Variants in CNTNAP2 observed in about 807,000 individuals in gnomAD.
CNTNAP2 encodes the protein contactin associated protein 2, also known as contactin-associated protein-like 2.
CNTNAP2 carries 98 observed loss-of-function variants against 155.2 expected under a neutral mutation model. That is an observed-to-expected ratio of 0.63 (90% CI 0.54 to 0.75). The LOEUF is 0.75. CNTNAP2 is among the 30% of genes least tolerant of loss of function. The pLI is 0.00. For synonymous variants in CNTNAP2, 651 were observed against 631.2 expected (o/e 1.03, Z -0.47); for missense variants, 1,727 against 1,688.1 (o/e 1.02, Z -0.40).
intron 13 of CNTNAP2, among the ~76,000 whole-genome samples, chr7:147,842,122 T>C (rs1432846659): frequency 6.6e-6 from 1 of 152,226 alleles, no homozygotes; most frequent in East Asian, 1.9e-4. Context: ...GCATAATTCA[T>C]TTGCTCTTCA....
intron 1 of CNTNAP2, among the ~76,000 whole-genome samples, chr7:146,290,315 C>CGTCTT (rs1800409074): frequency 6.6e-6 from 1 of 152,134 alleles, no homozygotes; most frequent in Non-Finnish European, 1.5e-5. Flanking sequence ...GCATGAATCC[C>CGTCTT]GTCTTAACCC....
At position 147,792,929 on chromosome 7, in the gene CNTNAP2, G is replaced by A. The variant is rs77922992; in HGVS notation, c.2099-110636G>A. ...TGAAGTAATAATTCAGGGTTTTGAT[G>A]TTAATTTCCCTGATGACTAATGATG... On this transcript the variant is annotated intron_variant, in intron 13 of 23. Coordinates refer to ENST00000361727, the MANE Select transcript of CNTNAP2 (RefSeq NM_014141.6). Among the ~76,000 whole-genome samples the A allele has an allele frequency of 5.6e-3, 859 of 152,234 alleles. 6 individuals carry two copies. The highest frequency in any genetic ancestry group is 0.019 in the African/African-American group (807 of 41,574).
intron 13 of CNTNAP2, among the ~76,000 whole-genome samples, chr7:147,803,786 A>T (rs1388741888): frequency 6.6e-6 from 1 of 152,304 alleles, no homozygotes; most frequent in African/African-American, 2.4e-5. Flanking sequence ...TGTCTGCAGG[A>T]ACCACACAGA....
rs117617895 is a variant in CNTNAP2 at position 146,119,095 on chromosome 7, T to G, written c.97+2122T>G. Reference sequence around the variant, plus strand: ...GCTCTGAAGAAAAGTATGATAGTTATATTCTTAATATAAAACATTCAAAGG... The same window carrying G: ...GCTCTGAAGAAAAGTATGATAGTTAGATTCTTAATATAAAACATTCAAAGG... On this transcript the variant is annotated intron_variant, in intron 1 of 23. Coordinates refer to ENST00000361727, the MANE Select transcript of CNTNAP2 (RefSeq NM_014141.6). Among the ~76,000 whole-genome samples the G allele has an allele frequency of 7.2e-4, 110 of 152,200 alleles. 1 individual carries two copies. In the East Asian group the frequency reaches 0.02, roughly 27 times the overall value.
intron 8 of CNTNAP2, among the ~76,000 whole-genome samples, chr7:147,211,866 A>G (rs747668684): frequency 1.1e-4 from 17 of 152,058 alleles, no homozygotes; most frequent in Non-Finnish European, 2.2e-4. Flanking sequence ...AGTAAACACA[A>G]CCTACAAAAT....
intron 14 of CNTNAP2, among the ~76,000 whole-genome samples, chr7:147,971,206 G>C (rs1801328603): frequency 1.3e-5 from 2 of 152,292 alleles, no homozygotes; most frequent in South Asian, 4.1e-4. Context: ...CTTCTAGTGA[G>C]ATGTGTGCAA....
chr7:147,108,148 G>T lies in CNTNAP2; in HGVS notation c.552G>T (p.Trp184Cys), dbSNP rs776906165. The T allele has an allele frequency of 6.2e-7, 1 of 1,612,516 alleles. No homozygotes were observed. The highest frequency in any genetic ancestry group is 1.1e-5 in the South Asian group (1 of 90,948). ...ATGTTATTTTTTTTTTTGTTTTAGG[G>T]GCTGATGTTATCAACTTTGATGGCC... ...LRIEVYGCSY[W>C]ADVINFDGHV... The change falls in exon 5 of 24, where the codon TGG (tryptophan) becomes TGT (cysteine). Residue 184 changes from tryptophan (W) to cysteine (C), a missense_variant and splice_region_variant. Physicochemically the swap from Trp to Cys is radical, Grantham distance 215. Coordinates refer to ENST00000361727, the MANE Select transcript of CNTNAP2 (RefSeq NM_014141.6).
intron 13 of CNTNAP2, among the ~76,000 whole-genome samples, chr7:147,850,998 G>A (rs1420910312): frequency 6.6e-6 from 1 of 151,988 alleles, no homozygotes; most frequent in Non-Finnish European, 1.5e-5. Context: ...CTACAGAATG[G>A]GAAAAAATTT....
chr7:146,283,724 T>A (rs1472762203), intron 1 of CNTNAP2, among the ~76,000 whole-genome samples: 1 of 152,220 alleles, frequency 6.6e-6, no homozygotes, highest in Non-Finnish European at 1.5e-5. Context: ...ATAATTCGGC[T>A]TTGTTCATAT....
chr7:146,445,467 G>T (rs1001314543), intron 1 of CNTNAP2, among the ~76,000 whole-genome samples: 1 of 152,146 alleles, frequency 6.6e-6, no homozygotes, highest in Non-Finnish European at 1.5e-5. Flanking sequence ...TTCACATGAG[G>T]TAACAAAAGA....
intron 12 of CNTNAP2, among the ~76,000 whole-genome samples, chr7:147,569,800 CTG>C (rs1800249214): frequency 6.6e-6 from 1 of 152,350 alleles, no homozygotes; most frequent in African/African-American, 2.4e-5. Flanking sequence ...TCCACAGTTT[CTG>C]TGTGTCAAGG....
chr7:147,788,025 G>T (rs917936952), intron 13 of CNTNAP2, among the ~76,000 whole-genome samples: 1 of 152,156 alleles, frequency 6.6e-6, no homozygotes, highest in Non-Finnish European at 1.5e-5. Context: ...TTATAAGGTG[G>T]ACTGATTTTG....
chr7:147,301,259 T>C (rs1437500539), intron 9 of CNTNAP2, among the ~76,000 whole-genome samples: 1 of 152,158 alleles, frequency 6.6e-6, no homozygotes, highest in Non-Finnish European at 1.5e-5. Context: ...TGAAAAAGTG[T>C]TGTAGCAAAG....
intron 21 of CNTNAP2, among the ~76,000 whole-genome samples, chr7:148,294,599 A>T (rs1451302084): frequency 1.3e-5 from 2 of 152,312 alleles, no homozygotes; most frequent in African/African-American, 4.8e-5. Context: ...ATAATCAAAA[A>T]ATCAGTCCAC....
intron 13 of CNTNAP2, among the ~76,000 whole-genome samples, chr7:147,649,850 T>C (rs573682200): frequency 6.6e-6 from 1 of 151,662 alleles, no homozygotes; most frequent in South Asian, 2.1e-4. Context: ...ATAAAAAGTC[T>C]TCTAAAAAGA....
intron 13 of CNTNAP2, among the ~76,000 whole-genome samples, chr7:147,889,277 T>A (rs1156335736): frequency 1.3e-5 from 2 of 152,004 alleles, no homozygotes; most frequent in Admixed American, 1.3e-4. Flanking sequence ...GGTACAAATA[T>A]TTGGAAATAA....
At chr7:147,473,589 G>C (rs1458434372) in intron 10 of CNTNAP2, among the ~76,000 whole-genome samples, 8 of 152,076 alleles carry the variant, frequency 5.3e-5, no homozygotes, top group Non-Finnish European at 8.8e-5. Flanking sequence ...TAATACGAAA[G>C]GGAATATGGT....
intron 1 of CNTNAP2, among the ~76,000 whole-genome samples, chr7:146,503,180 G>A (rs1404986473): frequency 6.6e-6 from 1 of 152,054 alleles, no homozygotes. Context: ...CAGTAAAGAA[G>A]CTTTTTTATT....
chr7:147,689,115 T>G (rs947386488), intron 13 of CNTNAP2, among the ~76,000 whole-genome samples: 3 of 152,026 alleles, frequency 2.0e-5, no homozygotes, highest in Non-Finnish European at 2.9e-5. Context: ...AGGATTTTTT[T>G]TTTATTTCTT....
Sources: gnomAD v4.1 joint callset for allele counts (sites outside exome capture counted in the v4.1 genomes callset) on GRCh38, gnomAD v4.1.1 for gene constraint, MANE v1.5 for transcripts, NCBI Gene and HGNC (gene_info 2026-07-23, HGNC 2026-07-21) for gene names.